DCHS2: variants seen among roughly 807,000 people sequenced by gnomAD.
DCHS2 encodes protocadherin-23.
A neutral mutation model predicts 182.4 loss-of-function variants in DCHS2; 142 were observed. The ratio of observed to expected loss-of-function variants is 0.78; its 90% CI spans 0.68 to 0.89. DCHS2 has a LOEUF of 0.89. Among genes scored for constraint, DCHS2 ranks in the 40% least tolerant of loss-of-function variants. DCHS2 has a pLI of 0.00. For missense variants in DCHS2, 4,319 were observed against 4,198.6 expected (o/e 1.03, Z -0.79); for synonymous variants, 1,740 against 1,663.3 (o/e 1.05, Z -1.12).
chr4:154,481,654 G>A (rs1025260157), intron 1 of DCHS2, among the ~76,000 whole-genome samples: 2 of 152,120 alleles, frequency 1.3e-5, no homozygotes, highest in Non-Finnish European at 2.9e-5. Context: ...TTTACCATGT[G>A]CTAGGCAGTG....
chr4:154,457,772 C>T (rs1335287506), intron 1 of DCHS2, among the ~76,000 whole-genome samples: 3 of 152,132 alleles, frequency 2.0e-5, no homozygotes, highest in Non-Finnish European at 4.4e-5. Flanking sequence ...TGCTTCTCTC[C>T]CCCGCCTCTT....
rs893246800 is a variant in DCHS2 at position 154,233,484 on chromosome 4, A to T, written c.*1052T>A. On this transcript the variant is annotated 3_prime_UTR_variant, in exon 20 of 20. Coordinates refer to ENST00000357232, the MANE Select transcript of DCHS2 (RefSeq NM_001358235.2). ...TATTCTTAACTTTTATAGTAGAAAC[A>T]TTTCCATAAAAAACTTCATTTAAAA... 6.6e-6 allele frequency: 1 copy of T among 152,198 alleles called. No individual in the cohort carries two copies. The highest frequency in any genetic ancestry group is 1.5e-5 in the Non-Finnish European group (1 of 68,028). 9.4% of individuals were successfully genotyped at this position (152,198 alleles called of 1,614,324 possible). A position where few individuals can be genotyped will look rare whatever the true frequency, so the allele number is the denominator to read the frequency against.
At chr4:154,302,981 ATATTT>A (rs1735280850) in intron 12 of DCHS2, among the ~76,000 whole-genome samples, 1 of 90,370 alleles carries the variant, frequency 1.1e-5, no homozygotes, top group Admixed American at 1.0e-4. Context: ...ACACACACAC[ATATTT>A]TTTTTTTTTT....
At chr4:154,353,860 G>T (rs546269271) in intron 3 of DCHS2, among the ~76,000 whole-genome samples, 1 of 152,318 alleles carries the variant, frequency 6.6e-6, no homozygotes, top group African/African-American at 2.4e-5. Context: ...AAGGATCTAA[G>T]AATTGCATTT....
At chr4:154,321,323 T>A in intron 8 of DCHS2, 101 bp from the exon 9 acceptor site, 1 of 1,220,600 alleles carries the variant, frequency 8.2e-7, no homozygotes, top group Non-Finnish European at 1.1e-6. Context: ...CTTCCATGTA[T>A]GTGATCATAT....
At position 154,391,138 on chromosome 4, in the gene DCHS2, T is replaced by C. The variant is rs370430989; in HGVS notation, c.2053-13694A>G. On this transcript the variant is annotated intron_variant, in intron 1 of 19. Coordinates refer to ENST00000357232, the MANE Select transcript of DCHS2 (RefSeq NM_001358235.2). ...GAAGGAACAGACTTATAAAAGCTGA[T>C]ACTTATTTTTAATTTTTGTTCTTAC... 7 of 1,591,932 alleles carry C rather than the reference T, an allele frequency of 4.4e-6. No homozygotes were observed. The African/African-American group carries it at 8.1e-5, about 18-fold the overall frequency.
chr4:154,453,039 C>G (rs958831364), intron 1 of DCHS2, among the ~76,000 whole-genome samples: 1 of 152,050 alleles, frequency 6.6e-6, no homozygotes, highest in African/African-American at 2.4e-5. Context: ...AAGCTCACAG[C>G]GAGGTGTAAG....
chr4:154,452,532 G>A (rs757552921), intron 1 of DCHS2, among the ~76,000 whole-genome samples: 109 of 152,214 alleles, frequency 7.2e-4, no homozygotes, highest in Non-Finnish European at 8.7e-4. Context: ...GCTGAGGCAT[G>A]AGAATCTCTT....
At chr4:154,445,323 C>T (rs1457544076) in intron 1 of DCHS2, among the ~76,000 whole-genome samples, 1 of 152,168 alleles carries the variant, frequency 6.6e-6, no homozygotes, top group Admixed American at 6.5e-5. Flanking sequence ...GAAAACTAAC[C>T]TTATTGAACA....
chr4:154,335,674 T>TACAC lies in DCHS2; in HGVS notation c.2477-574_2477-571dup, dbSNP rs35036974. 3.1e-3 allele frequency among the ~76,000 whole-genome samples: 469 copies of TACAC among 151,032 alleles called. 4 individuals are homozygous for TACAC. Among genetic ancestry groups the TACAC allele is most frequent in the African/African-American group, 0.011 (446 of 41,314 alleles). On this transcript the variant is annotated intron_variant, in intron 3 of 19. Transcript: ENST00000357232. ...TCCTTGTGATCAGTCTCCTCATACA[T>TACAC]ACACACACACACACACATACATCCT...
At chr4:154,465,155 A>G (rs1735187072) in intron 1 of DCHS2, among the ~76,000 whole-genome samples, 1 of 152,200 alleles carries the variant, frequency 6.6e-6, no homozygotes, top group Admixed American at 6.5e-5. Flanking sequence ...GTTTTGCTTC[A>G]GGACTTCCAA....
chr4:154,242,555 C>T (rs1260066824), intron 17 of DCHS2, 87 bp downstream of exon 17: 2 of 1,465,610 alleles, frequency 1.4e-6, no homozygotes, highest in Admixed American at 2.5e-5. Flanking sequence ...GATTAGCACT[C>T]ATGTTAATAC....
At chr4:154,404,971 G>A (rs1053340842) in intron 1 of DCHS2, among the ~76,000 whole-genome samples, 21 of 152,300 alleles carry the variant, frequency 1.4e-4, no homozygotes, top group African/African-American at 4.8e-4. Context: ...CTTGGCATGG[G>A]CATGGTGGCT....
chr4:154,355,340 A>G (rs1236177335), intron 3 of DCHS2, among the ~76,000 whole-genome samples: 2 of 143,620 alleles, frequency 1.4e-5, no homozygotes, highest in Non-Finnish European at 3.1e-5. Flanking sequence ...CCCATCAGCT[A>G]TGACAGTTTA....
At chr4:154,292,146 A>G (rs1578922959) in intron 13 of DCHS2, among the ~76,000 whole-genome samples, 1 of 152,336 alleles carries the variant, frequency 6.6e-6, no homozygotes, top group Non-Finnish European at 1.5e-5. Context: ...TTTCTATAAT[A>G]AAAAATAATG....
chr4:154,484,035 G>A lies in DCHS2; in HGVS notation c.2052+5269C>T, dbSNP rs1471581736. On this transcript the variant is annotated intron_variant, in intron 1 of 19. Transcript: ENST00000357232. ...TAATTCACACTGAAATCAAAAACTC[G>A]AGAGAGCCAGCATCTTTCCCCCAAA... Among the ~76,000 whole-genome samples the A allele has an allele frequency of 3.9e-5, 6 of 152,172 alleles. No homozygotes were observed. The East Asian group carries it at 1.2e-3, about 29-fold the overall frequency.
chr4:154,476,970 T>TA (rs34438785), intron 1 of DCHS2, among the ~76,000 whole-genome samples: 113,106 of 151,954 alleles, frequency 0.74, 42,669 homozygotes, highest in East Asian at 0.88. Context: ...AAAAGTTAGC[T>TA]GGGGAAGGGG....
intron 7 of DCHS2, chr4:154,323,467 C>T: frequency 1.6e-6 from 2 of 1,245,262 alleles, no homozygotes; most frequent in Non-Finnish European, 2.2e-6. Flanking sequence ...ATAGCTGGGA[C>T]TACAGGCATG....
At position 154,259,591 on chromosome 4, in the gene DCHS2, T is replaced by A. The variant is rs1295616894; in HGVS notation, c.6743A>T (p.Gln2248Leu). The change falls in exon 15 of 20, where the codon CAG (glutamine) becomes CTG (leucine). Residue 2248 changes from glutamine (Q) to leucine (L), a missense_variant. Physicochemically the swap from Gln to Leu is moderately radical, Grantham distance 113. Coordinates refer to ENST00000357232, the MANE Select transcript of DCHS2 (RefSeq NM_001358235.2). ...NSPCFEQSIY[Q>L]ASVSESQLYN... ...GAGTTGGCTTTCAGACACTGATGCC[T>A]GGTAAATGCTTTGTTCAAAGCATGG... 1 of 1,613,914 alleles carries A rather than the reference T, an allele frequency of 6.2e-7. No individual in the cohort carries two copies. The highest frequency in any genetic ancestry group is 1.1e-5 in the South Asian group (1 of 91,064).
Sources: gnomAD v4.1 joint callset for allele counts (sites outside exome capture counted in the v4.1 genomes callset) on GRCh38, gnomAD v4.1.1 for gene constraint, MANE v1.5 for transcripts, NCBI Gene and HGNC (gene_info 2026-07-23, HGNC 2026-07-21) for gene names.